Variants in DGKI observed in about 807,000 individuals in gnomAD.
DGKI encodes DAG kinase iota.
In DGKI, 55 loss-of-function variants were observed where a neutral mutation model predicts 147.5. The observed-to-expected ratio is 0.37, with a 90% CI of 0.30 to 0.47. The LOEUF is 0.47. DGKI is among the 20% of genes least tolerant of loss of function. The pLI is 1.00. For missense variants in DGKI, 1,007 were observed against 1,323.8 expected (o/e 0.76, Z 3.71); for synonymous variants, 469 against 477.1 (o/e 0.98, Z 0.22).
At chr7:137,515,640 G>C (rs1041916607) in intron 21 of DGKI, among the ~76,000 whole-genome samples, 3 of 152,126 alleles carry the variant, frequency 2.0e-5, no homozygotes, top group African/African-American at 7.2e-5. Flanking sequence ...AAAACACAGT[G>C]ATTAAATAAG....
At chr7:137,745,337 G>A (rs1585435990) in intron 1 of DGKI, among the ~76,000 whole-genome samples, 1 of 151,984 alleles carries the variant, frequency 6.6e-6, no homozygotes, top group Non-Finnish European at 1.5e-5. Flanking sequence ...AAAACCTTCA[G>A]ACAAACACAT....
chr7:137,449,359 G>T (rs1201965971), intron 27 of DGKI, among the ~76,000 whole-genome samples: 3 of 152,160 alleles, frequency 2.0e-5, no homozygotes, highest in Non-Finnish European at 4.4e-5. Flanking sequence ...CTGATTTTCA[G>T]CAAAAGCTCC....
chr7:137,798,487 T>G (rs973414713), intron 1 of DGKI, among the ~76,000 whole-genome samples: 1 of 152,198 alleles, frequency 6.6e-6, no homozygotes. Flanking sequence ...AGTGGCACAA[T>G]CATGGCTCAC....
At chr7:137,668,963 G>C (rs1244358530) in intron 3 of DGKI, among the ~76,000 whole-genome samples, 1 of 152,168 alleles carries the variant, frequency 6.6e-6, no homozygotes, top group Non-Finnish European at 1.5e-5. Context: ...TGATTTGCCA[G>C]CCTGCTGTTA....
intron 3 of DGKI, among the ~76,000 whole-genome samples, 172 bp downstream of exon 3, chr7:137,678,385 G>A (rs2116391797): frequency 6.6e-6 from 1 of 152,268 alleles, no homozygotes; most frequent in Non-Finnish European, 1.5e-5. Context: ...GCGACAACCT[G>A]AAAGCCATGT....
At chr7:137,480,285 C>T (rs1035394376) in intron 23 of DGKI, among the ~76,000 whole-genome samples, 2 of 152,122 alleles carry the variant, frequency 1.3e-5, no homozygotes, top group African/African-American at 2.4e-5. Flanking sequence ...CTCTCTCACA[C>T]AAGATAAATC....
At chr7:137,597,206 G>A (rs1235265790) in intron 12 of DGKI, among the ~76,000 whole-genome samples, 2 of 152,092 alleles carry the variant, frequency 1.3e-5, no homozygotes, top group Non-Finnish European at 2.9e-5. Flanking sequence ...TAGCAACAAT[G>A]TATTATATAT....
chr7:137,424,704 C>A (rs916054972), intron 28 of DGKI, among the ~76,000 whole-genome samples: 1 of 152,138 alleles, frequency 6.6e-6, no homozygotes, highest in African/African-American at 2.4e-5. Context: ...GCTTTTCCAA[C>A]GGGCTTAAAA....
chr7:137,492,585 C>G (rs988201511), intron 21 of DGKI, among the ~76,000 whole-genome samples: 1 of 152,140 alleles, frequency 6.6e-6, no homozygotes, highest in Non-Finnish European at 1.5e-5. Flanking sequence ...AAGACCCCCA[C>G]AGAAACTTAA....
At chr7:137,812,309 C>T (rs1377483671) in intron 1 of DGKI, among the ~76,000 whole-genome samples, 2 of 152,180 alleles carry the variant, frequency 1.3e-5, no homozygotes, top group South Asian at 2.1e-4. Flanking sequence ...ACATATTTGG[C>T]TTAGGACAGG....
intron 19 of DGKI, among the ~76,000 whole-genome samples, chr7:137,563,054 T>C (rs968448790): frequency 1.3e-5 from 2 of 152,022 alleles, no homozygotes; most frequent in African/African-American, 4.8e-5. Context: ...ATAAAAATGA[T>C]AATAAATCAA....
chr7:137,463,413 G>A, intron 27 of DGKI, 76 bp downstream of exon 27: 1 of 1,567,662 alleles, frequency 6.4e-7, no homozygotes, highest in Non-Finnish European at 8.7e-7. Flanking sequence ...CCTGACCACT[G>A]GGGCACAGCC....
intron 3 of DGKI, among the ~76,000 whole-genome samples, chr7:137,677,287 C>T (rs1366336885): frequency 6.6e-6 from 1 of 152,096 alleles, no homozygotes; most frequent in African/African-American, 2.4e-5. Flanking sequence ...AGAATTTAAT[C>T]CTACTCTCTG....
At chr7:137,480,583 T>C (rs1815336557) in intron 23 of DGKI, among the ~76,000 whole-genome samples, 1 of 147,744 alleles carries the variant, frequency 6.8e-6, no homozygotes, top group South Asian at 2.1e-4. Flanking sequence ...GACTCCGATC[T>C]GACCAAGAGG....
chr7:137,618,128 T>C (rs188929598), intron 8 of DGKI, among the ~76,000 whole-genome samples: 29 of 12,684 alleles, frequency 2.3e-3, no homozygotes, highest in Middle Eastern at 0.062. Flanking sequence ...TCTAAAATAC[T>C]ATATATATAT....
chr7:137,491,965 G>A (rs536177334), intron 21 of DGKI, among the ~76,000 whole-genome samples: 86 of 152,326 alleles, frequency 5.6e-4, no homozygotes, highest in African/African-American at 1.9e-3. Context: ...ATCCCTAGAT[G>A]AGCCCTTTTC....
intron 23 of DGKI, 100 bp from the exon 24 acceptor site, chr7:137,469,719 G>T: frequency 1.0e-6 from 1 of 994,138 alleles, no homozygotes; most frequent in Non-Finnish European, 1.5e-6. Context: ...AAGCACTGGT[G>T]AGAAGAGCAA....
At chr7:137,610,857 T>C (rs1219526436) in intron 8 of DGKI, among the ~76,000 whole-genome samples, 1 of 152,194 alleles carries the variant, frequency 6.6e-6, no homozygotes, top group Non-Finnish European at 1.5e-5. Context: ...AGTTGATACA[T>C]GACCTGTGTT....
intron 6 of DGKI, among the ~76,000 whole-genome samples, chr7:137,627,290 A>G (rs775571946): frequency 2.0e-5 from 3 of 152,158 alleles, no homozygotes; most frequent in Non-Finnish European, 4.4e-5. Flanking sequence ...TAGCTGCCCT[A>G]TGTGGCTGGT....
Sources: allele counts gnomAD v4.1 joint callset (sites outside exome capture counted in the v4.1 genomes callset), GRCh38; gene constraint gnomAD v4.1.1; transcripts MANE v1.5; gene names NCBI Gene and HGNC (gene_info 2026-07-23, HGNC 2026-07-21).